SCHIP1: variants seen among roughly 807,000 people sequenced by gnomAD.
SCHIP1 encodes schwannomin-interacting protein 1.
Under a neutral mutation model 29.7 loss-of-function variants are expected in SCHIP1, and 8 were observed. The observed-to-expected ratio is 0.27, with a 90% CI of 0.16 to 0.49. SCHIP1 has a LOEUF of 0.49. Ranked by LOEUF, SCHIP1 falls within the 20% of genes least tolerant of loss-of-function variation. SCHIP1 has a pLI of 0.99. For missense variants in SCHIP1, 193 were observed against 294.6 expected (o/e 0.66, Z 2.52); for synonymous variants, 76 against 94.9 (o/e 0.80, Z 1.16).
the SCHIP1 span, among the ~76,000 whole-genome samples, chr3:159,791,226 A>G: frequency 1.3e-5 from 2 of 152,224 alleles, no homozygotes; most frequent in African/African-American, 4.8e-5. Context: ...ATATCAGCCC[A>G]GGGGCCCATC....
At chr3:159,391,041 T>C in the SCHIP1 span, among the ~76,000 whole-genome samples, 1 of 152,168 alleles carries the variant, frequency 6.6e-6, no homozygotes, top group Admixed American at 6.6e-5. Flanking sequence ...AAATGTCTCC[T>C]TTTCAGTTAT....
At chr3:159,613,287 T>A in the SCHIP1 span, among the ~76,000 whole-genome samples, 1 of 152,200 alleles carries the variant, frequency 6.6e-6, no homozygotes, top group Non-Finnish European at 1.5e-5. Flanking sequence ...CTGATTTTTT[T>A]ATGTCTTATG....
At chr3:159,698,444 G>T in the SCHIP1 span, among the ~76,000 whole-genome samples, 2 of 152,024 alleles carry the variant, frequency 1.3e-5, no homozygotes, top group African/African-American at 2.4e-5. Context: ...TTTGTGCAAG[G>T]CCAAAAGATA....
At chr3:159,888,564 T>G (rs913440632) in intron 4 of SCHIP1, 4 of 358,908 alleles carry the variant, frequency 1.1e-5, no homozygotes, top group Non-Finnish European at 2.0e-5. Context: ...GCTATAACAT[T>G]GACTCACAAC....
the SCHIP1 span, among the ~76,000 whole-genome samples, chr3:159,608,312 G>A: frequency 2.8e-4 from 42 of 152,188 alleles, no homozygotes; most frequent in African/African-American, 5.1e-4. Context: ...TAAGCATATC[G>A]CTTAATATGT....
At chr3:159,806,572 C>T in the SCHIP1 span, among the ~76,000 whole-genome samples, 78 of 152,322 alleles carry the variant, frequency 5.1e-4, no homozygotes, top group African/African-American at 1.9e-3. Flanking sequence ...AAGTTAACTG[C>T]CATTAGCTGT....
At chr3:159,483,047 C>T in the SCHIP1 span, among the ~76,000 whole-genome samples, 1 of 152,160 alleles carries the variant, frequency 6.6e-6, no homozygotes, top group African/African-American at 2.4e-5. Context: ...TTCAAAGCAG[C>T]CTCCCGACCA....
At chr3:159,312,131 A>G in the SCHIP1 span, among the ~76,000 whole-genome samples, 1 of 152,322 alleles carries the variant, frequency 6.6e-6, no homozygotes, top group Non-Finnish European at 1.5e-5. Flanking sequence ...GACATACAGT[A>G]TATCACTTAG....
chr3:159,310,670 T>G, the SCHIP1 span, among the ~76,000 whole-genome samples: 1 of 152,208 alleles, frequency 6.6e-6, no homozygotes, highest in Non-Finnish European at 1.5e-5. Flanking sequence ...CCAGCTCTAC[T>G]ATATCAAGGG....
chr3:159,627,989 C>T, the SCHIP1 span, among the ~76,000 whole-genome samples: 3 of 152,170 alleles, frequency 2.0e-5, no homozygotes, highest in Admixed American at 6.5e-5. Context: ...AACCAAGATC[C>T]TAAGAAATAA....
the SCHIP1 span, among the ~76,000 whole-genome samples, chr3:159,758,803 A>G: frequency 6.6e-6 from 1 of 152,230 alleles, no homozygotes; most frequent in Admixed American, 6.5e-5. Flanking sequence ...TATACAGGGC[A>G]CAATCTGTGC....
Position 159,889,685 on chromosome 3 carries a change from T to C in SCHIP1, c.589+742T>C, listed in dbSNP as rs538026827. Among the ~76,000 whole-genome samples, 7 of 152,310 alleles carry C rather than the reference T, an allele frequency of 4.6e-5. No homozygotes were observed. In the South Asian group the frequency reaches 6.2e-4, roughly 14 times the overall value. On this transcript the variant is annotated intron_variant, in intron 5 of 6. Transcript: ENST00000445224. ...GCCAAACAAATGCATTCAAACCAAC[T>C]ATAAAAAGAAAAGAGCATTTATGAG...
At chr3:159,469,239 TAAG>T in the SCHIP1 span, among the ~76,000 whole-genome samples, 4 of 152,016 alleles carry the variant, frequency 2.6e-5, no homozygotes, top group East Asian at 7.7e-4. Flanking sequence ...AAAACACAAA[TAAG>T]AAGGTGAAAG....
the SCHIP1 span, among the ~76,000 whole-genome samples, chr3:159,768,918 A>G: frequency 6.6e-6 from 1 of 152,218 alleles, no homozygotes; most frequent in Non-Finnish European, 1.5e-5. Context: ...TGCCCCTTCC[A>G]TGGGCAGCCC....
At chr3:159,414,908 C>G in the SCHIP1 span, among the ~76,000 whole-genome samples, 2 of 152,140 alleles carry the variant, frequency 1.3e-5, no homozygotes, top group Non-Finnish European at 2.9e-5. Flanking sequence ...GAGCTGAGTT[C>G]AGGCAGTAAA....
At chr3:159,443,950 C>T in the SCHIP1 span, among the ~76,000 whole-genome samples, 7 of 152,236 alleles carry the variant, frequency 4.6e-5, no homozygotes, top group South Asian at 1.2e-3. Flanking sequence ...TAATTCCAGA[C>T]ACCAGTTAGG....
At chr3:159,493,350 G>A in the SCHIP1 span, among the ~76,000 whole-genome samples, 1 of 152,152 alleles carries the variant, frequency 6.6e-6, no homozygotes, top group East Asian at 1.9e-4. Context: ...CTGTATTCAG[G>A]AAACCCATCT....
At chr3:159,433,272 G>A in the SCHIP1 span, among the ~76,000 whole-genome samples, 14 of 152,062 alleles carry the variant, frequency 9.2e-5, no homozygotes, top group Admixed American at 1.3e-4. Flanking sequence ...CATTTTCCAC[G>A]GACAGAAAAG....
chr3:159,771,046 C>T, the SCHIP1 span, among the ~76,000 whole-genome samples: 3 of 152,152 alleles, frequency 2.0e-5, no homozygotes, highest in Admixed American at 1.3e-4. Flanking sequence ...ATTCTTCTGA[C>T]GAAGTTATTT....
Sources: gnomAD v4.1 joint callset for allele counts (sites outside exome capture counted in the v4.1 genomes callset) on GRCh38, gnomAD v4.1.1 for gene constraint, MANE v1.5 for transcripts, NCBI Gene and HGNC (gene_info 2026-07-23, HGNC 2026-07-21) for gene names.